FAM169A: variants seen among roughly 807,000 people sequenced by gnomAD.
FAM169A encodes family with sequence similarity 169 member A.
Under a neutral mutation model 75.7 loss-of-function variants are expected in FAM169A, and 24 were observed. The ratio of observed to expected loss-of-function variants is 0.32; its 90% CI spans 0.23 to 0.45. FAM169A has a LOEUF of 0.45. Ranked by LOEUF, FAM169A falls within the 20% of genes least tolerant of loss-of-function variation. The pLI is 1.00. For synonymous variants in FAM169A, 271 were observed against 271.0 expected, an observed-to-expected ratio of 1.00 and a Z score of 0.00; for missense variants, 673 against 784.0, an observed-to-expected ratio of 0.86 and a Z score of 1.69.
At chr5:74,814,125 CA>C in intron 5 of FAM169A, 106 bp from the exon 6 acceptor site, 1 of 746,750 alleles carries the variant, frequency 1.3e-6, no homozygotes, top group South Asian at 3.1e-5. Context: ...TCTTCTATAT[CA>C]AAAAACGTTA....
intron 11 of FAM169A, 38 bp downstream of exon 11, chr5:74,795,992 T>G: frequency 6.3e-7 from 1 of 1,592,348 alleles, no homozygotes; most frequent in Non-Finnish European, 8.6e-7. Context: ...AAAATTTAGT[T>G]TACTTTTTTT....
At chr5:74,782,871 C>T in intron 12 of FAM169A, 60 bp downstream of exon 12, 1 of 1,281,492 alleles carries the variant, frequency 7.8e-7, no homozygotes, top group Non-Finnish European at 1.1e-6. Context: ...CATGCACCCT[C>T]CTCGCTAATG....
At chr5:74,818,161 C>T (rs1280797384) in intron 5 of FAM169A, among the ~76,000 whole-genome samples, 2 of 152,054 alleles carry the variant, frequency 1.3e-5, no homozygotes, top group Non-Finnish European at 2.9e-5. Flanking sequence ...ATAAATTAGA[C>T]CTCATCAAAA....
intron 4 of FAM169A, among the ~76,000 whole-genome samples, chr5:74,836,294 ATTTAAT>A (rs1402398472): frequency 6.6e-6 from 1 of 151,800 alleles, no homozygotes; most frequent in Admixed American, 6.6e-5. Context: ...ATTTCTCCCT[ATTTAAT>A]TTTATTATGT....
At chr5:74,864,974 TC>T in intron 1 of FAM169A, among the ~76,000 whole-genome samples, 1 of 145,270 alleles carries the variant, frequency 6.9e-6, no homozygotes, top group Non-Finnish European at 1.5e-5. Flanking sequence ...TTTGCAAAGA[TC>T]ATCTGTACAT....
intron 1 of FAM169A, among the ~76,000 whole-genome samples, chr5:74,861,264 T>C (rs1008546833): frequency 1.3e-5 from 2 of 152,258 alleles, no homozygotes; most frequent in Admixed American, 1.3e-4. Context: ...AAGCCTTGGT[T>C]ATTCCACTTG....
intron 5 of FAM169A, among the ~76,000 whole-genome samples, chr5:74,826,622 A>G (rs895992439): frequency 2.6e-5 from 4 of 152,246 alleles, no homozygotes; most frequent in African/African-American, 9.6e-5. Flanking sequence ...TATTTCTGAC[A>G]TATTGTTGAC....
intron 9 of FAM169A, 69 bp downstream of exon 9, chr5:74,801,521 A>G (rs1746576000): frequency 7.8e-6 from 5 of 643,120 alleles, no homozygotes; most frequent in Non-Finnish European, 1.2e-5. Context: ...ACATGCATGC[A>G]CACACACACA....
At chr5:74,853,800 C>T (rs1361980605) in intron 1 of FAM169A, among the ~76,000 whole-genome samples, 2 of 149,780 alleles carry the variant, frequency 1.3e-5, no homozygotes, top group African/African-American at 4.9e-5. Context: ...CTCCGCCTCC[C>T]GGGTTCACGC....
At chr5:74,784,510 C>CAAAAAAAAAAAAAAAAAAAAA (rs200414695) in intron 11 of FAM169A, among the ~76,000 whole-genome samples, 18 of 29,856 alleles carry the variant, frequency 6.0e-4, no homozygotes, top group African/African-American at 2.5e-3. Flanking sequence ...GACTCCGTCT[C>CAAAAAAAAAAAAAAAAAAAAA]AAAAAAAAAA....
At chr5:74,843,540 A>G (rs1255747149) in intron 1 of FAM169A, among the ~76,000 whole-genome samples, 1 of 152,236 alleles carries the variant, frequency 6.6e-6, no homozygotes, top group African/African-American at 2.4e-5. Context: ...TGAGTATGTA[A>G]TAATGGAGAC....
At chr5:74,820,781 A>T (rs1014637776) in intron 5 of FAM169A, among the ~76,000 whole-genome samples, 5 of 151,770 alleles carry the variant, frequency 3.3e-5, no homozygotes, top group Non-Finnish European at 7.4e-5. Flanking sequence ...TATACCCAAA[A>T]CCCTTCAATA....
chr5:74,781,956 T>A lies in FAM169A; in HGVS notation c.1517A>T (p.Glu506Val). 6.2e-7 allele frequency: 1 copy of A among 1,614,088 alleles called. No individual in the cohort carries two copies. The highest frequency in any genetic ancestry group is 8.5e-7 in the Non-Finnish European group (1 of 1,179,966). The change falls in exon 13 of 13, where the codon GAA becomes GTA. Residue 506 changes from glutamate to valine, a missense_variant. Glu to Val is a moderately radical substitution (Grantham distance 121). Transcript: ENST00000687041. ...CAATTTCTCTTCCATGTGCCCCTTTTCATCAGATGTGCCTTCATCCATCAA... is the reference window on the plus strand; with the variant it reads ...CAATTTCTCTTCCATGTGCCCCTTTACATCAGATGTGCCTTCATCCATCAA... Reference protein sequence around the residue: ...EMLMDEGTSDEKGHMEEKLSL... With the variant: ...EMLMDEGTSDVKGHMEEKLSL...
chr5:74,863,312 C>T (rs1993370), intron 1 of FAM169A, among the ~76,000 whole-genome samples: 43,784 of 151,972 alleles, frequency 0.29, 7,598 homozygotes, highest in African/African-American at 0.49. Context: ...ATATTCCTAC[C>T]ACCACTGAGG....
At chr5:74,859,284 TCTC>T (rs1749909939) in intron 1 of FAM169A, among the ~76,000 whole-genome samples, 1 of 149,030 alleles carries the variant, frequency 6.7e-6, no homozygotes, top group African/African-American at 2.5e-5. Flanking sequence ...ATGAAGGTTT[TCTC>T]TTTTTTTTTT....
In FAM169A at chr5:74,778,535, C is replaced by A. The variant is rs575564344; in HGVS notation, c.*2925G>T. 1 of 151,884 alleles carries A rather than the reference C, an allele frequency of 6.6e-6. No homozygotes were observed. The highest frequency in any genetic ancestry group is 2.4e-5 in the African/African-American group (1 of 41,398). 9.4% of individuals were successfully genotyped at this position (151,884 alleles called of 1,614,324 possible). On this transcript the variant is annotated 3_prime_UTR_variant, in exon 13 of 13. Coordinates refer to ENST00000687041, the MANE Select transcript of FAM169A (RefSeq NM_001376049.1). ...TTACCATCTACACTGAATGGAAATACCATGAATATAGACACATTTTAAGTA... is the reference window on the plus strand; with the variant it reads ...TTACCATCTACACTGAATGGAAATAACATGAATATAGACACATTTTAAGTA...
At chr5:74,803,075 G>A (rs1746672007) in intron 8 of FAM169A, among the ~76,000 whole-genome samples, 1 of 151,924 alleles carries the variant, frequency 6.6e-6, no homozygotes, top group Admixed American at 6.6e-5. Flanking sequence ...GTAATATGAA[G>A]AATATGAATT....
intron 6 of FAM169A, among the ~76,000 whole-genome samples, chr5:74,810,471 T>C (rs1315775091): frequency 6.6e-6 from 1 of 152,076 alleles, no homozygotes; most frequent in Middle Eastern, 3.2e-3. Flanking sequence ...ACATGTAGGC[T>C]GGGCGCGGTG....
chr5:74,804,417 A>C (rs898729363), intron 8 of FAM169A, 76 bp downstream of exon 8: 3 of 599,900 alleles, frequency 5.0e-6, no homozygotes, highest in Non-Finnish European at 8.3e-6. Flanking sequence ...TTTAAAACTC[A>C]AATATAACCT....
Sources: allele counts gnomAD v4.1 joint callset (sites outside exome capture counted in the v4.1 genomes callset), GRCh38; gene constraint gnomAD v4.1.1; transcripts MANE v1.5; gene names NCBI Gene and HGNC (gene_info 2026-07-23, HGNC 2026-07-21).